The following NHSL1 variants were observed in gnomAD, a reference collection of about 807,000 sequenced individuals.
NHSL1 encodes NHS like 1.
Under a neutral mutation model 95.0 loss-of-function variants are expected in NHSL1, and 48 were observed. The observed-to-expected ratio is 0.51, with a 90% CI of 0.40 to 0.64. The LOEUF (loss-of-function observed/expected upper bound fraction) is 0.64, where lower values mean the gene tolerates loss of function less well. Ranked by LOEUF, NHSL1 falls within the 30% of genes least tolerant of loss-of-function variation. The pLI, the probability that NHSL1 is intolerant of heterozygous loss-of-function variation, is 0.00. For synonymous variants in NHSL1, 783 were observed against 833.9 expected, an observed-to-expected ratio of 0.94 and a Z score of 1.05; for missense variants, 1,971 against 2,077.7, an observed-to-expected ratio of 0.95 and a Z score of 1.00.
At chr6:138,439,000 T>C (rs1278443795) in intron 5 of NHSL1, among the ~76,000 whole-genome samples, 1 of 152,164 alleles carries the variant, frequency 6.6e-6, no homozygotes, top group African/African-American at 2.4e-5. Flanking sequence ...AAATGTCCAA[T>C]TCACTGAAAC....
upstream of NHSL1, among the ~76,000 whole-genome samples, chr6:138,573,246 C>A (rs1783905269): frequency 6.6e-6 from 1 of 152,200 alleles, no homozygotes. Flanking sequence ...TTGGGTGTAG[C>A]ATTTCACCCA....
intron 1 of NHSL1, among the ~76,000 whole-genome samples, chr6:138,506,157 C>G (rs1325632914): frequency 6.6e-6 from 1 of 152,142 alleles, no homozygotes. Flanking sequence ...TTTACATCAT[C>G]TACTTAATAA....
intron 1 of NHSL1, among the ~76,000 whole-genome samples, chr6:138,670,526 C>T (rs7744844): frequency 0.031 from 4,688 of 150,564 alleles, 194 homozygotes; most frequent in African/African-American, 0.093. Context: ...ATTAGCCGGG[C>T]GTAGTGGCGG....
chr6:138,677,992 TA>T (rs1785469206), intron 1 of NHSL1, among the ~76,000 whole-genome samples: 1 of 152,132 alleles, frequency 6.6e-6, no homozygotes, highest in Non-Finnish European at 1.5e-5. Context: ...ACCACAGAAT[TA>T]AAGGTACTTT....
intron 2 of NHSL1, among the ~76,000 whole-genome samples, chr6:138,474,454 T>C (rs563693274): frequency 6.6e-6 from 1 of 152,266 alleles, no homozygotes; most frequent in East Asian, 1.9e-4. Context: ...CTAAAAATAT[T>C]AGACCAATTT....
chr6:138,513,127 C>T (rs1334199988), intron 1 of NHSL1, among the ~76,000 whole-genome samples: 1 of 152,218 alleles, frequency 6.6e-6, no homozygotes, highest in African/African-American at 2.4e-5. Flanking sequence ...TCACTTTGCA[C>T]AGTGCCAACC....
At chr6:138,540,558 C>T (rs1440381621) in intron 1 of NHSL1, among the ~76,000 whole-genome samples, 1 of 152,156 alleles carries the variant, frequency 6.6e-6, no homozygotes, top group Non-Finnish European at 1.5e-5. Context: ...CTAAGGAATT[C>T]TTTTACATAC....
At chr6:138,623,361 C>T (rs936999817) in intron 1 of NHSL1, among the ~76,000 whole-genome samples, 3 of 151,930 alleles carry the variant, frequency 2.0e-5, no homozygotes, top group African/African-American at 7.3e-5. Flanking sequence ...GGAGCTTATC[C>T]CTCTACAGTG....
intron 1 of NHSL1, among the ~76,000 whole-genome samples, chr6:138,609,404 C>T (rs748394365): frequency 2.0e-5 from 3 of 152,174 alleles, no homozygotes; most frequent in Non-Finnish European, 4.4e-5. Flanking sequence ...CCCACCATTA[C>T]AACTGACCAT....
chr6:138,468,485 A>T (rs969574000), intron 3 of NHSL1, among the ~76,000 whole-genome samples: 1 of 152,200 alleles, frequency 6.6e-6, no homozygotes, highest in East Asian at 1.9e-4. Context: ...GCCTCCTGTC[A>T]GATCAGCGGC....
chr6:138,425,505 G>A (rs1323628961), intron 7 of NHSL1, among the ~76,000 whole-genome samples: 1 of 152,146 alleles, frequency 6.6e-6, no homozygotes, highest in African/African-American at 2.4e-5. Flanking sequence ...ATTAATTACG[G>A]TCACCCTTCT....
At chr6:138,523,244 G>A (rs1164686307) in intron 1 of NHSL1, among the ~76,000 whole-genome samples, 2 of 152,196 alleles carry the variant, frequency 1.3e-5, no homozygotes, top group Non-Finnish European at 2.9e-5. Context: ...CAGGGGAATG[G>A]TGGGGACAGA....
intron 1 of NHSL1, among the ~76,000 whole-genome samples, chr6:138,682,957 C>T (rs1785532529): frequency 6.6e-6 from 1 of 152,186 alleles, no homozygotes; most frequent in East Asian, 1.9e-4. Context: ...CGGGTGAAAA[C>T]GTGACATTGG....
At chr6:138,517,150 T>C (rs1287335780) in intron 1 of NHSL1, among the ~76,000 whole-genome samples, 2 of 152,210 alleles carry the variant, frequency 1.3e-5, no homozygotes, top group Non-Finnish European at 2.9e-5. Flanking sequence ...CTCTCTTAAG[T>C]GTGTTACCTA....
intron 1 of NHSL1, among the ~76,000 whole-genome samples, chr6:138,674,906 A>G (rs4896380): frequency 0.65 from 98,592 of 151,880 alleles, 34,584 homozygotes; most frequent in East Asian, 0.92. Context: ...CCAGCAGCTC[A>G]GCAAGGTGGC....
chr6:138,441,897 G>A (rs1028605183), intron 5 of NHSL1, 86 bp downstream of exon 5: 20 of 1,278,862 alleles, frequency 1.6e-5, no homozygotes, highest in African/African-American at 1.2e-4. Context: ...AGAATGTATC[G>A]ATTTTATAAG....
chr6:138,480,485 C>A (rs115379943), intron 2 of NHSL1, among the ~76,000 whole-genome samples: 137 of 152,224 alleles, frequency 9.0e-4, no homozygotes, highest in African/African-American at 3.1e-3. Context: ...CCAGAAGGAC[C>A]AGTTCGGTAG....
intron 1 of NHSL1, among the ~76,000 whole-genome samples, chr6:138,514,507 A>G (rs769751484): frequency 6.6e-6 from 1 of 152,208 alleles, no homozygotes; most frequent in African/African-American, 2.4e-5. Context: ...ATAAAGTTTC[A>G]TTTATAAATT....
chr6:138,494,953 A>G (rs1004426708), intron 2 of NHSL1, among the ~76,000 whole-genome samples: 1 of 152,132 alleles, frequency 6.6e-6, no homozygotes, highest in African/African-American at 2.4e-5. Flanking sequence ...AACATCAACA[A>G]TAAATTGGGC....
Sources: allele counts gnomAD v4.1 joint callset (sites outside exome capture counted in the v4.1 genomes callset), GRCh38; gene constraint gnomAD v4.1.1; transcripts MANE v1.5; gene names NCBI Gene and HGNC (gene_info 2026-07-23, HGNC 2026-07-21).